STK3: variants seen among roughly 807,000 people sequenced by gnomAD.
The protein encoded by STK3 is serine/threonine kinase 3.
Under a neutral mutation model 58.0 loss-of-function variants are expected in STK3, and 41 were observed. The observed-to-expected ratio is 0.71, with a 90% confidence interval of 0.55 to 0.92. The LOEUF is 0.92. STK3 is among the 40% of genes least tolerant of loss of function. The pLI is 0.00. For synonymous variants in STK3, 170 were observed against 191.0 expected, an observed-to-expected ratio of 0.89 and a Z score of 0.91; for missense variants, 479 against 602.7, an observed-to-expected ratio of 0.79 and a Z score of 2.15.
At position 98,844,036 on chromosome 8, in the gene STK3, G is replaced by A. The variant is rs180946426; in HGVS notation, c.110+39611C>T. Among the ~76,000 whole-genome samples the A allele has an allele frequency of 7.0e-3, 1,064 of 152,262 alleles. 9 individuals carry two copies. Among genetic ancestry groups the A allele is most frequent in the African/African-American group, 0.024 (998 of 41,542 alleles). ...TTAAGCCAGGTGCAGTGGCACATTC[G>A]TCCTAGCTACTCAGGAGGCTGTGGT... is the stretch of plus-strand genomic sequence containing the variant. On this transcript the variant is annotated intron_variant, in intron 3 of 12. Transcript: ENST00000523601.
intron 6 of STK3, among the ~76,000 whole-genome samples, chr8:98,635,166 T>A (rs938770549): frequency 1.3e-5 from 2 of 152,268 alleles, no homozygotes; most frequent in African/African-American, 4.8e-5. Context: ...GCCATTTAAC[T>A]AGGACTTTTT....
chr8:98,601,711 G>A (rs1478595188), intron 6 of STK3: 2 of 152,208 alleles, frequency 1.3e-5, no homozygotes, highest in Non-Finnish European at 2.9e-5. Flanking sequence ...TGAGATTTCA[G>A]CTGAGTCATA....
At chr8:98,696,525 C>A (rs1234154594) in intron 6 of STK3, among the ~76,000 whole-genome samples, 1 of 151,958 alleles carries the variant, frequency 6.6e-6, no homozygotes, top group Non-Finnish European at 1.5e-5. Context: ...TTTTGAGATA[C>A]GTCCCATCAA....
intron 10 of STK3, among the ~76,000 whole-genome samples, chr8:98,494,344 A>G (rs910000543): frequency 2.6e-5 from 4 of 152,200 alleles, no homozygotes; most frequent in Admixed American, 1.3e-4. Flanking sequence ...TAACTTCTCT[A>G]ACAGCATCCC....
chr8:98,449,383 G>T (rs1819095411), intron 1 of STK3, among the ~76,000 whole-genome samples: 3 of 152,096 alleles, frequency 2.0e-5, no homozygotes, highest in African/African-American at 4.8e-5. Context: ...ATAAATATAG[G>T]ATCAGAGAAA....
chr8:98,872,202 C>T (rs527981369), intron 3 of STK3, among the ~76,000 whole-genome samples: 1 of 152,192 alleles, frequency 6.6e-6, no homozygotes, highest in East Asian at 1.9e-4. Flanking sequence ...CCAAGTTGAT[C>T]GTGGTGGATA....
chr8:98,634,234 G>A (rs1448150643), intron 6 of STK3, among the ~76,000 whole-genome samples: 3 of 152,112 alleles, frequency 2.0e-5, no homozygotes, highest in Non-Finnish European at 4.4e-5. Context: ...GGCCTGTAAT[G>A]CCAGCACTTT....
At chr8:98,658,453 G>A (rs1181000524) in intron 6 of STK3, among the ~76,000 whole-genome samples, 1 of 151,986 alleles carries the variant, frequency 6.6e-6, no homozygotes, top group Non-Finnish European at 1.5e-5. Flanking sequence ...TCTGTTCCTA[G>A]TTCTGAGAGA....
At chr8:98,900,464 G>A (rs950364795) in intron 1 of STK3, among the ~76,000 whole-genome samples, 2 of 151,830 alleles carry the variant, frequency 1.3e-5, no homozygotes, top group African/African-American at 2.4e-5. Flanking sequence ...ATATGAAATC[G>A]CCCCACATCC....
chr8:98,905,844 G>T (rs934956184), intron 1 of STK3, among the ~76,000 whole-genome samples: 1 of 152,224 alleles, frequency 6.6e-6, no homozygotes, highest in Non-Finnish European at 1.5e-5. Flanking sequence ...AGAGAATCCA[G>T]CGCAGCCACA....
intron 6 of STK3, among the ~76,000 whole-genome samples, chr8:98,650,760 AC>A (rs970881468): frequency 2.0e-5 from 3 of 152,196 alleles, no homozygotes. Context: ...CTGAGATCAA[AC>A]TGCAAGGTGG....
chr8:98,666,285 AAACTT>A (rs1822358387), intron 6 of STK3, among the ~76,000 whole-genome samples: 1 of 152,194 alleles, frequency 6.6e-6, no homozygotes, highest in Admixed American at 6.5e-5. Context: ...ATATACAAGA[AAACTT>A]AGGGGTAGAC....
At chr8:98,700,582 T>C (rs1224706689) in intron 6 of STK3, among the ~76,000 whole-genome samples, 3 of 152,246 alleles carry the variant, frequency 2.0e-5, no homozygotes, top group Admixed American at 1.3e-4. Flanking sequence ...GTGAGTTAAA[T>C]TTCCAGAAAG....
intron 10 of STK3, among the ~76,000 whole-genome samples, chr8:98,464,597 C>T (rs1212459035): frequency 1.1e-5 from 1 of 89,636 alleles, no homozygotes; most frequent in South Asian, 3.8e-4. Context: ...GAAAAGAAAA[C>T]ATTCATATAT....
chr8:98,412,374 C>T (rs745864154), intron 3 of STK3, among the ~76,000 whole-genome samples: 22 of 152,194 alleles, frequency 1.4e-4, no homozygotes, highest in Non-Finnish European at 2.8e-4. Context: ...TGCTGCATAC[C>T]ACCCCTGAAA....
chr8:98,842,466 A>C (rs1417938166), intron 3 of STK3, among the ~76,000 whole-genome samples: 1 of 152,230 alleles, frequency 6.6e-6, no homozygotes, highest in Non-Finnish European at 1.5e-5. Flanking sequence ...GTTAGAACTC[A>C]GGAGTCTGAA....
intron 6 of STK3, among the ~76,000 whole-genome samples, chr8:98,633,028 T>G (rs1819372890): frequency 6.6e-6 from 1 of 152,098 alleles, no homozygotes; most frequent in African/African-American, 2.4e-5. Flanking sequence ...AAAATAAAAA[T>G]TACACATGCT....
intron 4 of STK3, chr8:98,721,233 C>T (rs1827399430): frequency 4.4e-6 from 2 of 452,624 alleles, no homozygotes; most frequent in Non-Finnish European, 5.8e-6. Context: ...AAGTAAGTTT[C>T]AAATCACTAA....
At chr8:98,677,220 T>C (rs192224217) in intron 6 of STK3, among the ~76,000 whole-genome samples, 1 of 152,212 alleles carries the variant, frequency 6.6e-6, no homozygotes, top group African/African-American at 2.4e-5. Context: ...CCCTACTCCT[T>C]ACATCTTTAA....
Sources: gnomAD v4.1 joint callset for allele counts (sites outside exome capture counted in the v4.1 genomes callset) on GRCh38, gnomAD v4.1.1 for gene constraint, MANE v1.5 for transcripts, NCBI Gene and HGNC (gene_info 2026-07-23, HGNC 2026-07-21) for gene names.